RAB22A: variants seen among roughly 807,000 people sequenced by gnomAD.
The protein encoded by RAB22A is RAB22A, member RAS oncogene family.
A neutral mutation model predicts 30.2 loss-of-function variants in RAB22A; 13 were observed. That is an observed-to-expected ratio of 0.43 (90% CI 0.28 to 0.68). The LOEUF (loss-of-function observed/expected upper bound fraction) is 0.68. Ranked by LOEUF, RAB22A falls within the 30% of genes least tolerant of loss-of-function variation. RAB22A has a pLI of 0.18. For missense variants in RAB22A, 177 were observed against 246.8 expected, an observed-to-expected ratio of 0.72 and a Z score of 1.89; for synonymous variants, 89 against 87.2, an observed-to-expected ratio of 1.02 and a Z score of -0.11.
At chr20:58,339,878 T>C (rs1036542357) in intron 2 of RAB22A, among the ~76,000 whole-genome samples, 21 of 152,150 alleles carry the variant, frequency 1.4e-4, no homozygotes, top group African/African-American at 5.1e-4. Flanking sequence ...AGGAATCCAT[T>C]GTTGAGTCCT....
chr20:58,354,327 C>T, intron 6 of RAB22A, 62 bp downstream of exon 6: 1 of 1,158,172 alleles, frequency 8.6e-7, no homozygotes, highest in Non-Finnish European at 1.2e-6. Context: ...GAATGATCTT[C>T]CTGGTTAGAA....
rs1401196715 is a variant in RAB22A, at chr20:58,364,528, T to A, written c.*4825T>A. 6.6e-6 allele frequency: 1 copy of A among 152,204 alleles called. No homozygotes were observed. Among genetic ancestry groups the A allele is most frequent in the Non-Finnish European group, 1.5e-5 (1 of 68,038 alleles). 9.4% of individuals were successfully genotyped at this position (152,204 alleles called of 1,614,324 possible). Reference sequence around the variant, plus strand: ...GTAAGATTAAGATGTATCATTAGTATATGGTGAAATTAAAACCGTGGTGTC... The same window carrying A: ...GTAAGATTAAGATGTATCATTAGTAAATGGTGAAATTAAAACCGTGGTGTC... On this transcript the variant is annotated 3_prime_UTR_variant, in exon 7 of 7. Transcript: ENST00000244040.
At position 58,321,553 on chromosome 20, in the gene RAB22A, G is replaced by A. The variant is rs556369840; in HGVS notation, c.116+10431G>A. On this transcript the variant is annotated intron_variant, in intron 2 of 6. Coordinates refer to ENST00000244040, the MANE Select transcript of RAB22A (RefSeq NM_020673.3). Reference sequence around the variant, plus strand: ...TAAACGTTAATTAGCTCATTTAATAGCACTGCTCCTATCTCCAGTGTTTTT... The same window carrying A: ...TAAACGTTAATTAGCTCATTTAATAACACTGCTCCTATCTCCAGTGTTTTT... Among the ~76,000 whole-genome samples the A allele has an allele frequency of 6.5e-4, 99 of 152,240 alleles. 1 individual carries two copies. Among genetic ancestry groups the A allele is most frequent in the Non-Finnish European group, 1.1e-3 (76 of 68,010 alleles).
intron 3 of RAB22A, among the ~76,000 whole-genome samples, chr20:58,346,458 C>T (rs965778231): frequency 6.6e-6 from 1 of 152,190 alleles, no homozygotes; most frequent in Non-Finnish European, 1.5e-5. Flanking sequence ...TACGCTGTTC[C>T]TTCTCACCAA....
In RAB22A at chr20:58,366,950, ATCTC is replaced by A. The variant is rs769760520; in HGVS notation, c.*7251_*7254del. The A allele has an allele frequency of 3.9e-5, 6 of 152,668 alleles. No homozygotes were observed. The highest frequency in any genetic ancestry group is 1.4e-4 in the African/African-American group (6 of 41,464). The allele number at this position is 152,668 out of a possible 1,614,324, so 9.5% of individuals were successfully genotyped here. On this transcript the variant is annotated 3_prime_UTR_variant, in exon 7 of 7. Coordinates refer to ENST00000244040, the MANE Select transcript of RAB22A (RefSeq NM_020673.3). ...AAAAAGCTAAGCCGTCCTACCAGCAATCTCTCTTTCTCCTAAGAATGTCATGCCT... is the reference window on the plus strand; with the variant it reads ...AAAAAGCTAAGCCGTCCTACCAGCAATCTTTCTCCTAAGAATGTCATGCCT...
At chr20:58,339,980 G>A (rs1211976305) in intron 2 of RAB22A, among the ~76,000 whole-genome samples, 1 of 152,150 alleles carries the variant, frequency 6.6e-6, no homozygotes, top group African/African-American at 2.4e-5. Flanking sequence ...GAATCCAGGT[G>A]TTACCACTAC....
At chr20:58,335,368 A>G (rs1986730626) in intron 2 of RAB22A, among the ~76,000 whole-genome samples, 1 of 152,212 alleles carries the variant, frequency 6.6e-6, no homozygotes, top group South Asian at 2.1e-4. Flanking sequence ...TGGCACTTGC[A>G]GCATTGTTGA....
chr20:58,329,056 C>CT (rs34919452), intron 2 of RAB22A, among the ~76,000 whole-genome samples: 68,450 of 139,708 alleles, frequency 0.49, 17,498 homozygotes, highest in South Asian at 0.68. Context: ...TGCATATTCC[C>CT]TTTTTTTTTT....
intron 2 of RAB22A, among the ~76,000 whole-genome samples, chr20:58,316,875 G>C (rs1022670747): frequency 6.6e-6 from 1 of 152,140 alleles, no homozygotes; most frequent in African/African-American, 2.4e-5. Flanking sequence ...AGCAACCTCA[G>C]CATCCTTCTC....
At chr20:58,353,090 A>T (rs1405906846) in intron 3 of RAB22A, among the ~76,000 whole-genome samples, 183 bp from the exon 4 acceptor site, 1 of 152,232 alleles carries the variant, frequency 6.6e-6, no homozygotes, top group Admixed American at 6.5e-5. Context: ...GAGACATTTC[A>T]GTGTTACATT....
At chr20:58,318,036 C>G (rs1441490283) in intron 2 of RAB22A, among the ~76,000 whole-genome samples, 1 of 151,702 alleles carries the variant, frequency 6.6e-6, no homozygotes, top group Non-Finnish European at 1.5e-5. Context: ...CTTGCTAATT[C>G]TTTTTATTTC....
At chr20:58,330,245 T>C (rs539432432) in intron 2 of RAB22A, among the ~76,000 whole-genome samples, 28 of 152,238 alleles carry the variant, frequency 1.8e-4, no homozygotes, top group Non-Finnish European at 4.0e-4. Context: ...GTGTGTCTAA[T>C]ATTTTTCCCC....
chr20:58,339,452 G>A (rs902766505), intron 2 of RAB22A, among the ~76,000 whole-genome samples: 11 of 152,194 alleles, frequency 7.2e-5, no homozygotes, highest in African/African-American at 9.7e-5. Context: ...TAACTTGATC[G>A]TTAAAGGAGT....
chr20:58,363,094 T>G lies in RAB22A; in HGVS notation c.*3391T>G, dbSNP rs940323208. 4.6e-4 allele frequency: 70 copies of G among 152,240 alleles called. No individual in the cohort carries two copies. The highest frequency in any genetic ancestry group is 1.6e-3 in the African/African-American group (68 of 41,460). The allele number at this position is 152,240 out of a possible 1,614,324, so 9.4% of individuals were successfully genotyped here. A position where few individuals can be genotyped will look rare whatever the true frequency, so the allele number is the denominator to read the frequency against. On this transcript the variant is annotated 3_prime_UTR_variant, in exon 7 of 7. Transcript: ENST00000244040. ...AATGAAAATATCCTTTAGCTAACTTTCCTGTAACTGTCAAACCAAAATGTC... is the reference window on the plus strand; with the variant it reads ...AATGAAAATATCCTTTAGCTAACTTGCCTGTAACTGTCAAACCAAAATGTC...
intron 2 of RAB22A, among the ~76,000 whole-genome samples, chr20:58,317,556 CTTTTTTT>C (rs35819954): frequency 8.0e-6 from 1 of 124,936 alleles, no homozygotes. Flanking sequence ...AGTTATTATT[CTTTTTTT>C]TTTTTTTTTT....
At chr20:58,310,941 T>C (rs1427702958) in intron 1 of RAB22A, 102 bp from the exon 2 acceptor site, 10 of 923,830 alleles carry the variant, frequency 1.1e-5, no homozygotes, top group Non-Finnish European at 1.6e-5. Context: ...TTTACACGTC[T>C]AGGGTGATTT....
At chr20:58,336,641 T>C (rs1986760371) in intron 2 of RAB22A, among the ~76,000 whole-genome samples, 2 of 152,240 alleles carry the variant, frequency 1.3e-5, no homozygotes, top group Admixed American at 1.3e-4. Flanking sequence ...TATTCAGTAG[T>C]AATTCAAACG....
chr20:58,310,287 A>G (rs886839612), intron 1 of RAB22A, among the ~76,000 whole-genome samples: 4 of 149,932 alleles, frequency 2.7e-5, no homozygotes, highest in Admixed American at 1.3e-4. Flanking sequence ...TTGCCTCTCT[A>G]TTGCATCTGG....
chr20:58,354,171 A>G lies in RAB22A; in HGVS notation c.393A>G (p.Arg131=). 6.2e-7 allele frequency: 1 copy of G among 1,612,864 alleles called. No homozygotes were observed. The highest frequency in any genetic ancestry group is 8.5e-7 in the Non-Finnish European group (1 of 1,179,272). Residue 131 remains arginine, a synonymous_variant, in exon 6 of 7, where the codon AGA becomes AGG. Transcript: ENST00000244040. ...DLIDVREVME[R]DAKDYADSIH... Reference sequence around the variant, plus strand: ...TGCCTTCCAGAGAAGTCATGGAGAGAGATGCAAAGGACTACGCCGACTCTA... The same window carrying G: ...TGCCTTCCAGAGAAGTCATGGAGAGGGATGCAAAGGACTACGCCGACTCTA...
Sources: gnomAD v4.1 joint callset for allele counts (sites outside exome capture counted in the v4.1 genomes callset) on GRCh38, gnomAD v4.1.1 for gene constraint, MANE v1.5 for transcripts, NCBI Gene and HGNC (gene_info 2026-07-23, HGNC 2026-07-21) for gene names.